The following CYP19A1 variants were observed in gnomAD, a reference collection of about 807,000 sequenced individuals.
The protein encoded by CYP19A1 is cytochrome P450 family 19 subfamily A member 1.
In CYP19A1, 32 loss-of-function variants were observed where a neutral mutation model predicts 44.4. The ratio of observed to expected loss-of-function variants is 0.72; its 90% CI spans 0.54 to 0.97. The LOEUF (loss-of-function observed/expected upper bound fraction) is 0.97, where lower values mean the gene tolerates loss of function less well. CYP19A1 is among the 50% of genes least tolerant of loss of function. CYP19A1 has a pLI of 0.00. For synonymous variants in CYP19A1, 212 were observed against 215.6 expected (o/e 0.98, Z 0.14); for missense variants, 598 against 637.8 (o/e 0.94, Z 0.67).
chr15:51,251,455 G>A (rs1033614492), intron 1 of CYP19A1, among the ~76,000 whole-genome samples: 1 of 152,182 alleles, frequency 6.6e-6, no homozygotes, highest in African/African-American at 2.4e-5. Context: ...AACAGGGAAT[G>A]TCTGTCAATA....
chr15:51,317,274 A>T (rs563332282), intron 1 of CYP19A1, among the ~76,000 whole-genome samples: 12 of 151,294 alleles, frequency 7.9e-5, no homozygotes, highest in African/African-American at 2.2e-4. Context: ...GCTAATTATT[A>T]TTTTTTTTGT....
Position 51,242,937 on chromosome 15 carries a change from G to A in CYP19A1, c.-25C>T. On this transcript the variant is annotated 5_prime_UTR_variant, in exon 2 of 10. Coordinates refer to ENST00000396402, the MANE Select transcript of CYP19A1 (RefSeq NM_000103.4). ...TCTTGTGTTCCTTGACCTCAGAGGG[G>A]GCAATTTAGAGTCCTGTGGAAATCA... 6.3e-7 allele frequency: 1 copy of A among 1,576,298 alleles called. No homozygotes were observed. The highest frequency in any genetic ancestry group is 8.7e-7 in the Non-Finnish European group (1 of 1,145,590).
intron 3 of CYP19A1, among the ~76,000 whole-genome samples, chr15:51,231,766 CTATTA>C (rs2033055831): frequency 6.6e-6 from 1 of 152,170 alleles, no homozygotes; most frequent in African/African-American, 2.4e-5. Context: ...TTCTAGATGA[CTATTA>C]TATTCTCCCT....
chr15:51,308,194 A>G (rs191424903), intron 1 of CYP19A1, among the ~76,000 whole-genome samples: 4 of 152,216 alleles, frequency 2.6e-5, no homozygotes, highest in Admixed American at 2.6e-4. Context: ...CAGGAAGGAG[A>G]GAAGCTTCCC....
chr15:51,218,727 T>C, intron 5 of CYP19A1, 72 bp from the exon 6 acceptor site: 1 of 1,549,048 alleles, frequency 6.5e-7, no homozygotes, highest in Non-Finnish European at 8.7e-7. Context: ...AAGGTTGCTC[T>C]GAGCAGAAAA....
chr15:51,295,217 C>T (rs1297470742), intron 1 of CYP19A1, among the ~76,000 whole-genome samples: 1 of 149,620 alleles, frequency 6.7e-6, no homozygotes, highest in Non-Finnish European at 1.5e-5. Flanking sequence ...CTGCTGAAGG[C>T]TTTTTACTCC....
At chr15:51,252,461 C>T (rs1374491345) in intron 1 of CYP19A1, among the ~76,000 whole-genome samples, 1 of 152,182 alleles carries the variant, frequency 6.6e-6, no homozygotes, top group African/African-American at 2.4e-5. Context: ...TAAGAGAATA[C>T]AATTTCTCTT....
intron 1 of CYP19A1, among the ~76,000 whole-genome samples, chr15:51,268,187 A>T (rs1045391078): frequency 2.6e-5 from 4 of 152,204 alleles, no homozygotes; most frequent in African/African-American, 9.6e-5. Context: ...ACATATACAC[A>T]TGCACTTGTG....
At chr15:51,246,537 C>T (rs1036399399) in intron 1 of CYP19A1, among the ~76,000 whole-genome samples, 5 of 152,172 alleles carry the variant, frequency 3.3e-5, no homozygotes, top group Non-Finnish European at 5.9e-5. Flanking sequence ...TAAGAAAACG[C>T]GAGTCCTACA....
intron 2 of CYP19A1, among the ~76,000 whole-genome samples, chr15:51,241,013 GA>G (rs2033727923): frequency 6.6e-6 from 1 of 152,324 alleles, no homozygotes; most frequent in East Asian, 1.9e-4. Context: ...CAGGAAGGGA[GA>G]TTTTTTTAAA....
At chr15:51,261,963 CCCCCAAATCTGGCCATAAACTGG>C (rs2034739853) in intron 1 of CYP19A1, among the ~76,000 whole-genome samples, 1 of 152,210 alleles carries the variant, frequency 6.6e-6, no homozygotes, top group African/African-American at 2.4e-5. Context: ...TGGGAACAGG[CCCCCAAATCTGGCCATAAACTGG>C]CCCCAAAACT....
chr15:51,224,832 G>A (rs376389852), intron 4 of CYP19A1, among the ~76,000 whole-genome samples: 34 of 152,314 alleles, frequency 2.2e-4, no homozygotes, highest in African/African-American at 7.0e-4. Context: ...CCTTGGCCAC[G>A]TCCCTGAATG....
At chr15:51,252,429 A>T (rs1043429990) in intron 1 of CYP19A1, among the ~76,000 whole-genome samples, 1 of 152,222 alleles carries the variant, frequency 6.6e-6, no homozygotes, top group Admixed American at 6.5e-5. Flanking sequence ...TCACTGACTG[A>T]TAGAAAGTTG....
rs544767906 is a variant in CYP19A1 at position 51,211,229 on chromosome 15, A to G, written c.1264-173T>C. Among the ~76,000 whole-genome samples the G allele has an allele frequency of 1.7e-3, 259 of 152,210 alleles. 2 individuals carry two copies. Among genetic ancestry groups the G allele is most frequent in the Non-Finnish European group, 1.7e-3 (117 of 68,000 alleles). On this transcript the variant is annotated intron_variant, in intron 9 of 9. Coordinates refer to ENST00000396402, the MANE Select transcript of CYP19A1 (RefSeq NM_000103.4). ...GGAACTCAAGCCCTTTCTATGTCCT[A>G]TTTCATTCACCCCCTGTGTTCTGAC... is the stretch of plus-strand genomic sequence containing the variant.
At chr15:51,253,951 A>AG (rs2141148610) in intron 1 of CYP19A1, among the ~76,000 whole-genome samples, 1 of 152,242 alleles carries the variant, frequency 6.6e-6, no homozygotes, top group South Asian at 2.1e-4. Flanking sequence ...GCAATGCTGG[A>AG]GGTAGGAGTG....
Position 51,209,116 on chromosome 15 carries a change from C to T in CYP19A1, c.*1692G>A, listed in dbSNP as rs769258820. The T allele has an allele frequency of 1.3e-5, 2 of 152,148 alleles. No individual in the cohort carries two copies. The highest frequency in any genetic ancestry group is 2.4e-5 in the African/African-American group (1 of 41,414). 9.4% of individuals were successfully genotyped at this position (152,148 alleles called of 1,614,324 possible). A position where few individuals can be genotyped will look rare whatever the true frequency, so the allele number is the denominator to read the frequency against. On this transcript the variant is annotated 3_prime_UTR_variant, in exon 10 of 10. Coordinates refer to ENST00000396402, the MANE Select transcript of CYP19A1 (RefSeq NM_000103.4). ...ACCTGACTACATACGTATTCAGGTA[C>T]ACAGGCATAGTCCATATATTTTTAG...
At chr15:51,260,416 A>G (rs1277074910) in intron 1 of CYP19A1, among the ~76,000 whole-genome samples, 1 of 152,238 alleles carries the variant, frequency 6.6e-6, no homozygotes, top group Non-Finnish European at 1.5e-5. Flanking sequence ...GGTTCCTTTT[A>G]AAAGGCTAAA....
Position 51,210,185 on chromosome 15 carries a change from G to C in CYP19A1, c.*623C>G, listed in dbSNP as rs1418032043. ...AGGCATAAATCGACAGACTGGGAAA[G>C]AATTTCCTCTGATTAAACTTTTGCC... On this transcript the variant is annotated 3_prime_UTR_variant, in exon 10 of 10. Coordinates refer to ENST00000396402, the MANE Select transcript of CYP19A1 (RefSeq NM_000103.4). The C allele has an allele frequency of 5.5e-6, 2 of 361,370 alleles. No homozygotes were observed. Among genetic ancestry groups the C allele is most frequent in the African/African-American group, 2.1e-5 (1 of 46,872 alleles). The allele number at this position is 361,370 out of a possible 1,614,324, so 22.4% of individuals were successfully genotyped here. A position where few individuals can be genotyped will look rare whatever the true frequency, so the allele number is the denominator to read the frequency against.
chr15:51,231,502 T>A (rs2033030051), intron 3 of CYP19A1, among the ~76,000 whole-genome samples: 1 of 152,074 alleles, frequency 6.6e-6, no homozygotes, highest in South Asian at 2.1e-4. Context: ...CCCTTGACCC[T>A]CTTCTTACTT....
Sources: allele counts gnomAD v4.1 joint callset (sites outside exome capture counted in the v4.1 genomes callset), GRCh38; gene constraint gnomAD v4.1.1; transcripts MANE v1.5; gene names NCBI Gene and HGNC (gene_info 2026-07-23, HGNC 2026-07-21).